LBP: variants seen among roughly 807,000 people sequenced by gnomAD.
The protein encoded by LBP is lipopolysaccharide-binding protein.
Under a neutral mutation model 56.6 loss-of-function variants are expected in LBP, and 53 were observed. That is an observed-to-expected ratio of 0.94 (90% confidence interval 0.75 to 1.18). The LOEUF (loss-of-function observed/expected upper bound fraction) is 1.18, where lower values mean the gene tolerates loss of function less well. Ranked by LOEUF, LBP falls within the 50% of genes most tolerant of loss-of-function variation. The pLI is 0.00. For missense variants in LBP, 601 were observed against 598.3 expected (o/e 1.00, Z -0.05); for synonymous variants, 227 against 247.5 (o/e 0.92, Z 0.78).
intron 5 of LBP, 42 bp downstream of exon 5, chr20:38,355,451 G>C: frequency 1.3e-6 from 2 of 1,559,830 alleles, no homozygotes; most frequent in South Asian, 1.1e-5. Flanking sequence ...AGCTTGGCGA[G>C]GGCTGAATGG....
In LBP at chr20:38,373,127, A is replaced by T; in HGVS notation, c.1316A>T (p.Lys439Met). 6.2e-7 allele frequency: 1 copy of T among 1,613,276 alleles called. No individual in the cohort carries two copies. Among genetic ancestry groups the T allele is most frequent in the Non-Finnish European group, 8.5e-7 (1 of 1,179,204 alleles). ...TACATCCTTAACACCTTCTACCCCA[A>T]GTTCAATGGTAAGAATCACTGTGGA... is the stretch of plus-strand genomic sequence containing the variant. ...NYYILNTFYPKFNDKLAEGFP... is the reference protein window; with the variant it reads ...NYYILNTFYPMFNDKLAEGFP... Residue 439 changes from lysine (K) to methionine (M), a missense_variant, in exon 13 of 15, where the codon AAG (lysine) becomes ATG (methionine). Lys to Met is a moderately conservative substitution (Grantham distance 95, BLOSUM62 -1). Transcript: ENST00000217407.
At chr20:38,364,523 C>T (rs2076873627) in intron 7 of LBP, 53 bp from the exon 8 acceptor site, 2 of 1,571,066 alleles carry the variant, frequency 1.3e-6, no homozygotes, top group Non-Finnish European at 8.8e-7. Flanking sequence ...TACCTAGCCC[C>T]TGCCCCACGA....
Position 38,366,755 on chromosome 20 carries a change from T to G in LBP, c.922-14T>G. The G allele has an allele frequency of 6.2e-7, 1 of 1,613,820 alleles. No homozygotes were observed. The highest frequency in any genetic ancestry group is 8.5e-7 in the Non-Finnish European group (1 of 1,179,836). On this transcript the variant is annotated splice_polypyrimidine_tract_variant and intron_variant, in intron 8 of 14. Transcript: ENST00000217407. ...GGGAGCACCCTAAAACTTCTTCATG[T>G]CTCTTTGCTGCAGATACCGCCTGAC...
intron 6 of LBP, among the ~76,000 whole-genome samples, chr20:38,362,053 C>CTTTTTTTTTTTT (rs1229689650): frequency 2.2e-4 from 26 of 117,670 alleles, no homozygotes; most frequent in Non-Finnish European, 2.9e-4. Context: ...TTTTTGTTTT[C>CTTTTTTTTTTTT]TTTTTTTTTT....
At chr20:38,361,180 A>G (rs929068113) in intron 6 of LBP, among the ~76,000 whole-genome samples, 1 of 152,144 alleles carries the variant, frequency 6.6e-6, no homozygotes, top group East Asian at 1.9e-4. Flanking sequence ...AAAAAAAAAA[A>G]AAAGAAAGTA....
intron 9 of LBP, among the ~76,000 whole-genome samples, 153 bp downstream of exon 9, chr20:38,366,981 C>G (rs902357219): frequency 6.6e-6 from 1 of 152,120 alleles, no homozygotes; most frequent in Non-Finnish European, 1.5e-5. Flanking sequence ...CCTTTCAAAG[C>G]CTAAATAACA....
intron 5 of LBP, among the ~76,000 whole-genome samples, chr20:38,359,989 C>T (rs11536962): frequency 0.018 from 2,727 of 152,202 alleles, 94 homozygotes; most frequent in African/African-American, 0.061. Flanking sequence ...TGGTGGCTCA[C>T]GTCTGTAATC....
In LBP at chr20:38,374,950, A is replaced by ATT. The variant is rs370110558; in HGVS notation, c.1401+954_1401+955dup. Reference sequence around the variant, plus strand: ...AGGCTCCCGCCACCACTCCCAGCTAATTTTTTTTTTTTTTTTTTGTATTTT... The same window carrying ATT: ...AGGCTCCCGCCACCACTCCCAGCTAATTTTTTTTTTTTTTTTTTTTGTATTTT... On this transcript the variant is annotated intron_variant, in intron 14 of 14. Transcript: ENST00000217407. Among the ~76,000 whole-genome samples the ATT allele has an allele frequency of 5.3e-4, 67 of 127,138 alleles. 2 individuals are homozygous for ATT. The South Asian group carries it at 7.7e-3, about 15-fold the overall frequency. The allele number at this position is 127,138 out of a possible 152,430, so 83.4% of individuals were successfully genotyped here.
intron 5 of LBP, among the ~76,000 whole-genome samples, chr20:38,357,464 C>T (rs1373190821): frequency 6.6e-6 from 1 of 152,182 alleles, no homozygotes; most frequent in East Asian, 1.9e-4. Flanking sequence ...CCTGGACCAG[C>T]AAGGCTAAGG....
chr20:38,374,143 A>T lies in LBP; in HGVS notation c.1401+130A>T, dbSNP rs186836994. On this transcript the variant is annotated intron_variant, in intron 14 of 14. Coordinates refer to ENST00000217407, the MANE Select transcript of LBP (RefSeq NM_004139.5). ...CTGGGAAAGTCTGGCCAGGGGCAGG[A>T]CGGGTGCTCCTGGGCCTTGCCATAT... is the stretch of plus-strand genomic sequence containing the variant. 14 of 887,282 alleles carry T rather than the reference A, an allele frequency of 1.6e-5. No individual in the cohort carries two copies. In the East Asian group the frequency reaches 3.3e-4, roughly 21 times the overall value. The allele number at this position is 887,282 out of a possible 1,614,324, so 55.0% of individuals were successfully genotyped here. A position where few individuals can be genotyped will look rare whatever the true frequency, so the allele number is the denominator to read the frequency against.
intron 12 of LBP, among the ~76,000 whole-genome samples, chr20:38,371,529 C>T (rs559761420): frequency 1.3e-5 from 2 of 152,270 alleles, no homozygotes; most frequent in South Asian, 4.2e-4. Flanking sequence ...ATTAAGTCAT[C>T]TACTGAACAG....
At chr20:38,362,604 C>G (rs1322260232) in intron 6 of LBP, among the ~76,000 whole-genome samples, 33 of 144,084 alleles carry the variant, frequency 2.3e-4, no homozygotes, top group Non-Finnish European at 3.1e-5. Flanking sequence ...CAGAACAAGA[C>G]TCTGTCTCAA....
intron 6 of LBP, among the ~76,000 whole-genome samples, chr20:38,361,790 A>T (rs528640940): frequency 2.2e-4 from 33 of 151,704 alleles, no homozygotes; most frequent in Middle Eastern, 3.4e-3. Context: ...GAGTTTTTAC[A>T]TGCATGTAAC....
intron 1 of LBP, among the ~76,000 whole-genome samples, 195 bp from the exon 2 acceptor site, chr20:38,349,353 C>T (rs2076812323): frequency 6.6e-6 from 1 of 152,158 alleles, no homozygotes; most frequent in Admixed American, 6.5e-5. Context: ...CTAACAATGC[C>T]ACAGAAATGC....
At chr20:38,350,782 G>T in intron 2 of LBP, 29 bp from the exon 3 acceptor site, 1 of 1,589,254 alleles carries the variant, frequency 6.3e-7, no homozygotes, top group South Asian at 1.1e-5. Flanking sequence ...GCCCAGGGCT[G>T]ACACCTCCTT....
chr20:38,368,041 A>G (rs776469235), intron 9 of LBP, among the ~76,000 whole-genome samples: 1 of 152,058 alleles, frequency 6.6e-6, no homozygotes, highest in African/African-American at 2.4e-5. Context: ...TAGAAAGAAA[A>G]GTTAAAAAAG....
chr20:38,348,542 C>T (rs536698396), intron 1 of LBP, among the ~76,000 whole-genome samples: 1 of 152,086 alleles, frequency 6.6e-6, no homozygotes, highest in Admixed American at 6.5e-5. Context: ...CGATGATCCA[C>T]CCGCCTCGGC....
At chr20:38,361,023 G>A (rs866494177) in intron 6 of LBP, among the ~76,000 whole-genome samples, 6 of 152,072 alleles carry the variant, frequency 3.9e-5, no homozygotes, top group Middle Eastern at 3.4e-3. Flanking sequence ...TTAGCCGGGC[G>A]TGGTGGCGCA....
chr20:38,368,118 A>T lies in LBP; in HGVS notation c.982-877A>T, dbSNP rs1568834701. On this transcript the variant is annotated intron_variant, in intron 9 of 14. Coordinates refer to ENST00000217407, the MANE Select transcript of LBP (RefSeq NM_004139.5). The stretch of plus-strand genomic sequence containing the variant: ...AAAGAGTAATACGAGAAAATTAAAT[A>T]TTTTTTTTAAAAAAGAAATGGTGGG... Among the ~76,000 whole-genome samples, 4 of 152,048 alleles carry T rather than the reference A, an allele frequency of 2.6e-5. No individual in the cohort carries two copies. In the East Asian group the frequency reaches 5.8e-4, roughly 22 times the overall value.
Sources: allele counts gnomAD v4.1 joint callset (sites outside exome capture counted in the v4.1 genomes callset), GRCh38; gene constraint gnomAD v4.1.1; transcripts MANE v1.5; gene names NCBI Gene and HGNC (gene_info 2026-07-23, HGNC 2026-07-21).